Variants in SLC14A2 observed in about 807,000 individuals in gnomAD.
SLC14A2 encodes solute carrier family 14 member 2, also known as urea transporter 2.
Under a neutral mutation model 104.6 loss-of-function variants are expected in SLC14A2, and 91 were observed. The observed-to-expected ratio is 0.87, with a 90% CI of 0.73 to 1.04. The LOEUF (loss-of-function observed/expected upper bound fraction) is 1.04, where lower values mean the gene tolerates loss of function less well. SLC14A2 is among the 50% of genes least tolerant of loss of function. SLC14A2 has a pLI of 0.00. For missense variants in SLC14A2, 1,189 were observed against 1,156.0 expected (o/e 1.03, Z -0.41); for synonymous variants, 476 against 466.4 (o/e 1.02, Z -0.27).
intron 1 of SLC14A2, among the ~76,000 whole-genome samples, chr18:45,368,343 A>G (rs539515920): frequency 2.0e-5 from 3 of 152,278 alleles, no homozygotes; most frequent in African/African-American, 7.2e-5. Flanking sequence ...TAGGAGGGAA[A>G]ACAGAATACT....
intron 1 of SLC14A2, among the ~76,000 whole-genome samples, chr18:45,414,757 A>AAAAAAAAAAATATAT (rs1360051908): frequency 2.6e-4 from 20 of 76,092 alleles, no homozygotes; most frequent in African/African-American, 8.5e-4. Flanking sequence ...AAAAAAAAAA[A>AAAAAAAAAAATATAT]ATATATATAT....
At chr18:45,413,789 A>G (rs2086239735) in intron 1 of SLC14A2, among the ~76,000 whole-genome samples, 1 of 152,200 alleles carries the variant, frequency 6.6e-6, no homozygotes, top group Non-Finnish European at 1.5e-5. Context: ...TAGCTGTATG[A>G]CTTTAGGAAA....
intron 2 of SLC14A2, among the ~76,000 whole-genome samples, chr18:45,542,053 T>G (rs936767248): frequency 0.018 from 2,427 of 134,420 alleles, 32 homozygotes; most frequent in East Asian, 0.038. Context: ...TTTTTTTTTT[T>G]TTTTTTTTTT....
chr18:45,436,015 C>T (rs1233260974), intron 1 of SLC14A2, among the ~76,000 whole-genome samples: 1 of 152,124 alleles, frequency 6.6e-6, no homozygotes, highest in Non-Finnish European at 1.5e-5. Flanking sequence ...GCTTTAAAAG[C>T]TTTGGAGCTC....
chr18:45,467,052 C>A (rs143458167), intron 1 of SLC14A2, among the ~76,000 whole-genome samples: 1 of 152,056 alleles, frequency 6.6e-6, no homozygotes, highest in Non-Finnish European at 1.5e-5. Flanking sequence ...GGAATCAACC[C>A]CCAATGAACC....
intron 1 of SLC14A2, among the ~76,000 whole-genome samples, chr18:45,263,952 C>A (rs116993716): frequency 6.6e-6 from 1 of 152,148 alleles, no homozygotes; most frequent in Non-Finnish European, 1.5e-5. Context: ...ATTAGGTATA[C>A]CCATTGCTAC....
chr18:45,299,313 C>T (rs533867543), intron 1 of SLC14A2, among the ~76,000 whole-genome samples: 21 of 152,338 alleles, frequency 1.4e-4, no homozygotes, highest in Non-Finnish European at 2.4e-4. Flanking sequence ...GAGAGCAATG[C>T]TTTGCATGCC....
In SLC14A2 at chr18:45,519,323, G is replaced by C. The variant is rs142678687; in HGVS notation, c.-35+36001G>C. On this transcript the variant is annotated intron_variant, in intron 2 of 20. Coordinates refer to the SLC14A2 transcript ENST00000586448. ...GGAAAAAAATATCCCTGGTAGATTA[G>C]CTACCCCTGAATCAAGCAGAGTTCC... Among the ~76,000 whole-genome samples, 156 of 152,292 alleles carry C rather than the reference G, an allele frequency of 1.0e-3. 1 individual carries two copies. The highest frequency in any genetic ancestry group is 3.5e-3 in the African/African-American group (146 of 41,564).
At chr18:45,451,267 G>T (rs1045088741) in intron 1 of SLC14A2, among the ~76,000 whole-genome samples, 2 of 152,050 alleles carry the variant, frequency 1.3e-5, no homozygotes, top group South Asian at 4.2e-4. Context: ...CTTGCTGAAA[G>T]CCTGTCCCTA....
intron 1 of SLC14A2, among the ~76,000 whole-genome samples, chr18:45,344,978 C>T (rs950165514): frequency 2.6e-5 from 4 of 152,202 alleles, no homozygotes; most frequent in African/African-American, 9.7e-5. Flanking sequence ...GAATTTCCCT[C>T]ACTGTGATAA....
At chr18:45,469,622 A>C (rs1169426981) in intron 1 of SLC14A2, among the ~76,000 whole-genome samples, 1 of 152,162 alleles carries the variant, frequency 6.6e-6, no homozygotes, top group Non-Finnish European at 1.5e-5. Flanking sequence ...AGCATGTATT[A>C]ATTGTTTCCT....
the SLC14A2 span, among the ~76,000 whole-genome samples, chr18:45,198,738 T>C: frequency 6.6e-6 from 1 of 152,106 alleles, no homozygotes; most frequent in Non-Finnish European, 1.5e-5. Context: ...CTGTTACTAA[T>C]TTTTTTAACA....
At chr18:45,232,522 G>A (rs948394342) in intron 1 of SLC14A2, among the ~76,000 whole-genome samples, 6 of 152,138 alleles carry the variant, frequency 3.9e-5, no homozygotes, top group African/African-American at 1.2e-4. Flanking sequence ...TATACCCATT[G>A]TTCTAATTCT....
At position 45,359,256 on chromosome 18, in the gene SLC14A2, G is replaced by T. The variant is rs928432415; in HGVS notation, c.-124-123977G>T. Among the ~76,000 whole-genome samples the T allele has an allele frequency of 9.2e-5, 14 of 152,160 alleles. 1 individual carries two copies. Among genetic ancestry groups the T allele is most frequent in the African/African-American group, 2.9e-4 (12 of 41,416 alleles). On this transcript the variant is annotated intron_variant, in intron 1 of 20. Transcript: ENST00000586448. ...AGCTGAAATGGAAGAGTGGGCTGAG[G>T]TGGAAGATAAGCTGAGAAGAGAGTT...
At chr18:45,221,901 T>A (rs2084066033) in intron 1 of SLC14A2, among the ~76,000 whole-genome samples, 1 of 151,920 alleles carries the variant, frequency 6.6e-6, no homozygotes, top group South Asian at 2.1e-4. Flanking sequence ...AAGGCTTACA[T>A]AAAAGTTGAG....
chr18:45,346,960 C>CAAAAAT (rs573147095), intron 1 of SLC14A2, among the ~76,000 whole-genome samples: 230 of 148,570 alleles, frequency 1.5e-3, no homozygotes, highest in African/African-American at 5.5e-3. Flanking sequence ...CAGCGAGACT[C>CAAAAAT]AAAAATAAAA....
intron 1 of SLC14A2, among the ~76,000 whole-genome samples, chr18:45,336,044 T>C (rs986065408): frequency 5.3e-5 from 8 of 152,150 alleles, no homozygotes; most frequent in Non-Finnish European, 1.2e-4. Flanking sequence ...GAAAACCTAG[T>C]CATAAAATAG....
chr18:45,441,860 G>A (rs924190790), intron 1 of SLC14A2, among the ~76,000 whole-genome samples: 2 of 152,170 alleles, frequency 1.3e-5, no homozygotes, highest in African/African-American at 4.8e-5. Context: ...AGATTGAAGA[G>A]GGAAACTTTA....
chr18:45,212,291 A>G (rs533114124), upstream of SLC14A2, among the ~76,000 whole-genome samples: 3 of 152,356 alleles, frequency 2.0e-5, no homozygotes, highest in East Asian at 5.8e-4. Flanking sequence ...AAGAAACTGT[A>G]GCAAGTCAAT....
Sources: allele counts gnomAD v4.1 joint callset (sites outside exome capture counted in the v4.1 genomes callset), GRCh38; gene constraint gnomAD v4.1.1; transcripts MANE v1.5; gene names NCBI Gene and HGNC (gene_info 2026-07-23, HGNC 2026-07-21).